Variants in RABL2A observed in about 807,000 individuals in gnomAD.
RABL2A encodes the protein rab-like protein 2A.
In RABL2A, 17 loss-of-function variants were observed where a neutral mutation model predicts 30.7. The observed-to-expected ratio is 0.55, with a 90% CI of 0.38 to 0.83. The LOEUF is 0.83. Ranked by LOEUF, RABL2A falls within the 40% of genes least tolerant of loss-of-function variation. The pLI is 0.00. For missense variants in RABL2A, 155 were observed against 272.6 expected (o/e 0.57, Z 3.04); for synonymous variants, 64 against 101.8 (o/e 0.63, Z 2.24).
intron 4 of RABL2A, chr2:113,634,545 G>C (rs2104628212): frequency 2.1e-6 from 1 of 469,330 alleles, no homozygotes; most frequent in Non-Finnish European, 3.9e-6. Context: ...CGACGAGGCA[G>C]TAGTTTTCCT....
At chr2:113,641,677 C>T in intron 7 of RABL2A, 104 bp from the exon 8 acceptor site, 1 of 617,176 alleles carries the variant, frequency 1.6e-6, no homozygotes, top group East Asian at 2.8e-5. Context: ...GGTAAGGTTG[C>T]TGATTTTAGG....
At chr2:113,635,990 C>T (rs569999058) in intron 5 of RABL2A, among the ~76,000 whole-genome samples, 5 of 151,532 alleles carry the variant, frequency 3.3e-5, no homozygotes, top group Non-Finnish European at 5.9e-5. Context: ...TGCCTGTAAT[C>T]CCAGCTACTT....
At chr2:113,630,386 C>A (rs1313221698) in intron 2 of RABL2A, among the ~76,000 whole-genome samples, 1 of 152,192 alleles carries the variant, frequency 6.6e-6, no homozygotes, top group Non-Finnish European at 1.5e-5. Context: ...TGGGCTAAAA[C>A]ACCCATTAAG....
chr2:113,638,046 C>T, intron 5 of RABL2A: 1 of 985,470 alleles, frequency 1.0e-6, no homozygotes, highest in Non-Finnish European at 1.2e-6. Context: ...GGATGCTCCT[C>T]ATTCTAGCCA....
At chr2:113,638,110 A>G in intron 5 of RABL2A, 2 of 985,470 alleles carry the variant, frequency 2.0e-6, no homozygotes, top group Non-Finnish European at 2.4e-6. Context: ...CCAGATCTGG[A>G]CAAAAGTCAT....
In RABL2A at chr2:113,637,595, T is replaced by C. The variant is rs1285034671; in HGVS notation, c.297+2465T>C. On this transcript the variant is annotated intron_variant, in intron 5 of 8. Transcript: ENST00000683472. The stretch of plus-strand genomic sequence containing the variant: ...GTCACCTAATTCCCCCGACTGCCCG[T>C]TAAGAACAAAATCCCTTGAAAAATT... 19 of 1,211,066 alleles carry C rather than the reference T, an allele frequency of 1.6e-5. No homozygotes were observed. In the African/African-American group the frequency reaches 2.9e-4, roughly 18 times the overall value. The allele number at this position is 1,211,066 out of a possible 1,614,324, so 75.0% of individuals were successfully genotyped here.
Position 113,642,907 on chromosome 2 carries a change from T to C in RABL2A, c.*778T>C, listed in dbSNP as rs1685666946. Reference sequence around the variant, plus strand: ...TCCCAAAGTGCTGGGATTACAGGCATGAGCCACCGCGCCCGGCCCCAATCA... The same window carrying C: ...TCCCAAAGTGCTGGGATTACAGGCACGAGCCACCGCGCCCGGCCCCAATCA... On this transcript the variant is annotated 3_prime_UTR_variant, in exon 9 of 9. Coordinates refer to ENST00000683472, the MANE Select transcript of RABL2A (RefSeq NM_001306158.2). The C allele has an allele frequency of 3.2e-6, 1 of 313,838 alleles. No individual in the cohort carries two copies. Among genetic ancestry groups the C allele is most frequent in the South Asian group, 2.4e-5 (1 of 42,492 alleles). The allele number at this position is 313,838 out of a possible 1,614,324, so 19.4% of individuals were successfully genotyped here.
chr2:113,637,410 T>A, intron 5 of RABL2A: 2 of 1,070,066 alleles, frequency 1.9e-6, no homozygotes, highest in Non-Finnish European at 2.3e-6. Flanking sequence ...ATGGACTGTC[T>A]GTGATGCACG....
chr2:113,636,380 C>A lies in RABL2A; in HGVS notation c.297+1250C>A, dbSNP rs185097138. Among the ~76,000 whole-genome samples the A allele has an allele frequency of 1.9e-3, 271 of 139,286 alleles. 1 individual carries two copies. Among genetic ancestry groups the A allele is most frequent in the African/African-American group, 6.5e-3 (263 of 40,162 alleles). The allele number at this position is 139,286 out of a possible 152,430, so 91.4% of individuals were successfully genotyped here. On this transcript the variant is annotated intron_variant, in intron 5 of 8. Transcript: ENST00000683472. ...TCCAGGCTGGAACTGCCTGGGGCAT[C>A]TCCCCACACACACACTGGTACTTGG...
intron 3 of RABL2A, 163 bp downstream of exon 3, chr2:113,633,107 G>C: frequency 9.7e-7 from 1 of 1,032,490 alleles, no homozygotes; most frequent in Non-Finnish European, 1.5e-6. Flanking sequence ...CTTGCCGATT[G>C]ACCCACATGG....
intron 3 of RABL2A, chr2:113,633,504 G>A (rs1457060670): frequency 4.9e-6 from 1 of 202,922 alleles, no homozygotes; most frequent in Non-Finnish European, 9.9e-6. Flanking sequence ...GCCTGCTGCT[G>A]CCTGTCCTAG....
chr2:113,627,674 C>T (rs554336658), intron 1 of RABL2A, among the ~76,000 whole-genome samples: 1 of 152,184 alleles, frequency 6.6e-6, no homozygotes, highest in Non-Finnish European at 1.5e-5. Context: ...GCCTATAGTC[C>T]AGGGATGCCG....
rs1348950444 is a variant in RABL2A, at chr2:113,642,176, C to T, written c.*47C>T. 2 of 1,537,398 alleles carry T rather than the reference C, an allele frequency of 1.3e-6. No homozygotes were observed. Among genetic ancestry groups the T allele is most frequent in the Non-Finnish European group, 1.7e-6 (2 of 1,146,634 alleles). On this transcript the variant is annotated 3_prime_UTR_variant, in exon 9 of 9. Transcript: ENST00000683472. ...TGGAGCCCTTTTAAAATACCCTTCCCTTCAACAACTCTCCAGCTCTGAATG... is the reference window on the plus strand; with the variant it reads ...TGGAGCCCTTTTAAAATACCCTTCCTTTCAACAACTCTCCAGCTCTGAATG...
chr2:113,633,101 C>T lies in RABL2A; in HGVS notation c.137+157C>T, dbSNP rs1359949041. On this transcript the variant is annotated intron_variant, in intron 3 of 8. Transcript: ENST00000683472. Reference sequence around the variant, plus strand: ...GGTTTTGTTCTGCACTTGTTTCTTGCCGATTGACCCACATGGCATTGCACA... The same window carrying T: ...GGTTTTGTTCTGCACTTGTTTCTTGTCGATTGACCCACATGGCATTGCACA... 3 of 1,111,786 alleles carry T rather than the reference C, an allele frequency of 2.7e-6. No homozygotes were observed. In the South Asian group the frequency reaches 3.9e-5, roughly 14 times the overall value. The allele number at this position is 1,111,786 out of a possible 1,614,324, so 68.9% of individuals were successfully genotyped here.
At chr2:113,636,979 ACT>A (rs1220614735) in intron 5 of RABL2A, among the ~76,000 whole-genome samples, 7 of 143,644 alleles carry the variant, frequency 4.9e-5, no homozygotes, top group African/African-American at 1.7e-4. Context: ...ACAGAGCGAG[ACT>A]CTGTCTCAAA....
intron 2 of RABL2A, among the ~76,000 whole-genome samples, chr2:113,631,095 A>G (rs548758940): frequency 5.3e-5 from 8 of 151,896 alleles, no homozygotes; most frequent in South Asian, 2.1e-4. Flanking sequence ...AGGTTTTGCC[A>G]TGTTGGCCAG....
At chr2:113,641,480 G>C in intron 7 of RABL2A, 30 bp downstream of exon 7, 1 of 1,610,836 alleles carries the variant, frequency 6.2e-7, no homozygotes. Context: ...TAGCTAGCAA[G>C]GTCAGGGCGC....
chr2:113,633,605 G>A (rs188736048), intron 3 of RABL2A: 223 of 186,646 alleles, frequency 1.2e-3, no homozygotes, highest in Non-Finnish European at 2.1e-3. Context: ...GCCCACCTGC[G>A]TCATTTGGCT....
chr2:113,636,145 C>A (rs1344668534), intron 5 of RABL2A, among the ~76,000 whole-genome samples: 1 of 151,964 alleles, frequency 6.6e-6, no homozygotes, highest in African/African-American at 2.4e-5. Flanking sequence ...CAGCCATCAA[C>A]AATGCAGAAA....
Sources: gnomAD v4.1 joint callset for allele counts (sites outside exome capture counted in the v4.1 genomes callset) on GRCh38, gnomAD v4.1.1 for gene constraint, MANE v1.5 for transcripts, NCBI Gene and HGNC (gene_info 2026-07-23, HGNC 2026-07-21) for gene names.